The following FAM220A variants were observed in gnomAD, a reference collection of about 807,000 sequenced individuals.
The protein encoded by FAM220A is family with sequence similarity 220 member A, also known as protein FAM220A.
For missense variants in FAM220A, 392 were observed against 321.6 expected, an observed-to-expected ratio of 1.22 and a Z score of -1.68; for synonymous variants, 141 against 130.7, an observed-to-expected ratio of 1.08 and a Z score of -0.54.
chr7:6,337,916 G>A (rs1318648219), intron 1 of FAM220A, among the ~76,000 whole-genome samples: 1 of 151,492 alleles, frequency 6.6e-6, no homozygotes, highest in African/African-American at 2.4e-5. Flanking sequence ...CAATTCTCCT[G>A]CCTCACCCTC....
chr7:6,331,951 G>GGCCAGGTGAAATTA (rs1357141303), intron 1 of FAM220A, among the ~76,000 whole-genome samples: 1 of 151,416 alleles, frequency 6.6e-6, no homozygotes, highest in Non-Finnish European at 1.5e-5. Flanking sequence ...TCGCCATGTT[G>GGCCAGGTGAAATTA]GCCAGGTGAA....
chr7:6,337,884 A>G (rs555641383), intron 1 of FAM220A, among the ~76,000 whole-genome samples: 5 of 151,506 alleles, frequency 3.3e-5, no homozygotes, highest in Admixed American at 2.0e-4. Flanking sequence ...GCTCACTGCA[A>G]CCTCCGCCTC....
rs983295984 is a variant in FAM220A, at chr7:6,348,744, C to A, written c.-253G>T. 2.4e-6 allele frequency: 1 copy of A among 410,760 alleles called. No homozygotes were observed. Among genetic ancestry groups the A allele is most frequent in the East Asian group, 3.5e-5 (1 of 28,302 alleles). 25.4% of individuals were successfully genotyped at this position (410,760 alleles called of 1,614,324 possible). A position where few individuals can be genotyped will look rare whatever the true frequency, so the allele number is the denominator to read the frequency against. On this transcript the variant is annotated 5_prime_UTR_variant, in exon 1 of 2. Transcript: ENST00000313324. ...GCGAGAGCCGGACAGCCAGGCCCGA[C>A]AGAGCCGCCGCCATATAGAGACCGG... is the stretch of plus-strand genomic sequence containing the variant.
At chr7:6,334,261 C>A (rs551327422) in intron 1 of FAM220A, among the ~76,000 whole-genome samples, 1 of 151,218 alleles carries the variant, frequency 6.6e-6, no homozygotes, top group South Asian at 2.1e-4. Context: ...ACTGGCTGGG[C>A]GCAGTGGCTC....
At position 6,348,943 on chromosome 7, in the gene FAM220A, C is replaced by A. The variant is rs1321103582; in HGVS notation, c.-452G>T. ...GAGAAGTGCCTCCGCGAGCAGCCGC[C>A]TGTACCAGCCTGGCCGCGCAGCCTG... On this transcript the variant is annotated 5_prime_UTR_variant, in exon 1 of 2. It adds an upstream start codon to the 5' untranslated region. Coordinates refer to ENST00000313324, the MANE Select transcript of FAM220A (RefSeq NM_001037163.2). The A allele has an allele frequency of 2.6e-6, 1 of 380,456 alleles. No individual in the cohort carries two copies. Among genetic ancestry groups the A allele is most frequent in the East Asian group, 3.8e-5 (1 of 26,158 alleles). The allele number at this position is 380,456 out of a possible 1,614,324, so 23.6% of individuals were successfully genotyped here.
chr7:6,341,971 C>G (rs940059735), intron 1 of FAM220A: 2 of 151,862 alleles, frequency 1.3e-5, no homozygotes, highest in Non-Finnish European at 2.9e-5. Flanking sequence ...GCACTCCAGC[C>G]TGGGCGACAA....
intron 1 of FAM220A, among the ~76,000 whole-genome samples, chr7:6,332,723 G>C (rs6965687): frequency 6.6e-6 from 1 of 151,914 alleles, no homozygotes; most frequent in South Asian, 2.1e-4. Context: ...TAAAATTAAA[G>C]AGCAGCAACA....
At chr7:6,335,804 A>G (rs1478729065) in intron 1 of FAM220A, among the ~76,000 whole-genome samples, 2 of 151,526 alleles carry the variant, frequency 1.3e-5, no homozygotes, top group East Asian at 3.9e-4. Context: ...GGAGGCACAG[A>G]CAGAAGGATG....
intron 1 of FAM220A, among the ~76,000 whole-genome samples, chr7:6,342,849 C>A (rs762841946): frequency 2.0e-5 from 3 of 151,738 alleles, no homozygotes; most frequent in Non-Finnish European, 4.4e-5. Context: ...CCACCCTGGG[C>A]AACATAGTGA....
chr7:6,340,177 G>A (rs186379092), intron 1 of FAM220A, among the ~76,000 whole-genome samples: 16 of 152,178 alleles, frequency 1.1e-4, no homozygotes, highest in African/African-American at 3.1e-4. Flanking sequence ...GAGCTACCGC[G>A]CCCGGCCCCT....
At chr7:6,345,959 G>C (rs996661701) in intron 1 of FAM220A, among the ~76,000 whole-genome samples, 1 of 151,900 alleles carries the variant, frequency 6.6e-6, no homozygotes, top group African/African-American at 2.4e-5. Context: ...AGTAGAGATG[G>C]GGTTTTGCCA....
chr7:6,332,887 G>A (rs996751344), intron 1 of FAM220A, among the ~76,000 whole-genome samples: 7 of 152,094 alleles, frequency 4.6e-5, no homozygotes, highest in African/African-American at 1.7e-4. Context: ...TTGGCCAGGC[G>A]CAGTGGCTCA....
chr7:6,345,454 T>A (rs2115150568), intron 1 of FAM220A, among the ~76,000 whole-genome samples: 1 of 152,194 alleles, frequency 6.6e-6, no homozygotes, highest in South Asian at 2.1e-4. Flanking sequence ...CTCTGATTGC[T>A]TGGTGGAGAT....
intron 1 of FAM220A, among the ~76,000 whole-genome samples, chr7:6,342,353 C>G (rs1246560484): frequency 6.6e-6 from 1 of 151,596 alleles, no homozygotes; most frequent in Non-Finnish European, 1.5e-5. Flanking sequence ...GAGACCAGCC[C>G]AGCTAACATG....
Position 6,330,772 on chromosome 7 carries a change from C to T in FAM220A, c.383G>A (p.Arg128Gln), listed in dbSNP as rs763058230. The T allele has an allele frequency of 3.1e-6, 5 of 1,614,124 alleles. No individual in the cohort carries two copies. The highest frequency in any genetic ancestry group is 3.3e-5 in the Admixed American group (2 of 60,012). Reference sequence around the variant, plus strand: ...CCTGGGCCCTCCTCCCAGCCAGTCTCGCCGCCCCAGAGCTTCAACACCACT... The same window carrying T: ...CCTGGGCCCTCCTCCCAGCCAGTCTTGCCGCCCCAGAGCTTCAACACCACT... Reference protein sequence around the residue: ...SCSGVEALGRRDWLGGGPRAT... With the variant: ...SCSGVEALGRQDWLGGGPRAT... The change falls in exon 2 of 2, where the codon CGA becomes CAA. Residue 128 changes from arginine to glutamine, a missense_variant. By Grantham distance (43) the Arg-to-Gln change is conservative (BLOSUM62 1). Coordinates refer to ENST00000313324, the MANE Select transcript of FAM220A (RefSeq NM_001037163.2).
chr7:6,334,288 C>A (rs1781703073), intron 1 of FAM220A, among the ~76,000 whole-genome samples: 1 of 151,352 alleles, frequency 6.6e-6, no homozygotes, highest in South Asian at 2.1e-4. Flanking sequence ...GTAATCCCAG[C>A]ACTTGGGGAG....
At chr7:6,333,167 TC>T (rs1483574820) in intron 1 of FAM220A, among the ~76,000 whole-genome samples, 48 of 72,050 alleles carry the variant, frequency 6.7e-4, no homozygotes, top group African/African-American at 2.9e-3. Context: ...AATAAAAAAA[TC>T]AAAAAAAAAA....
chr7:6,332,935 C>G (rs544658513), intron 1 of FAM220A, among the ~76,000 whole-genome samples: 1 of 151,994 alleles, frequency 6.6e-6, no homozygotes, highest in Non-Finnish European at 1.5e-5. Context: ...CCAAGGCGGA[C>G]AAATCATGAG....
intron 1 of FAM220A, among the ~76,000 whole-genome samples, chr7:6,335,125 C>A (rs1781718556): frequency 1.3e-5 from 2 of 151,832 alleles, no homozygotes. Flanking sequence ...CGTAGTGGTG[C>A]AATCTTAGCT....
Sources: allele counts gnomAD v4.1 joint callset (sites outside exome capture counted in the v4.1 genomes callset), GRCh38; gene constraint gnomAD v4.1.1; transcripts MANE v1.5; gene names NCBI Gene and HGNC (gene_info 2026-07-23, HGNC 2026-07-21).